Variants in STARD8 observed in about 807,000 individuals in gnomAD.
STARD8 encodes stAR-related lipid transfer protein 8.
A neutral mutation model predicts 69.4 loss-of-function variants in STARD8; 25 were observed. The ratio of observed to expected loss-of-function variants is 0.36; its 90% CI spans 0.26 to 0.50. The LOEUF (loss-of-function observed/expected upper bound fraction) is 0.50. STARD8 is among the 20% of genes least tolerant of loss of function. STARD8 has a pLI of 0.96. For synonymous variants in STARD8, 389 were observed against 374.6 expected, an observed-to-expected ratio of 1.04 and a Z score of -0.45; for missense variants, 921 against 932.5, an observed-to-expected ratio of 0.99 and a Z score of 0.16.
intron 2 of STARD8, among the ~76,000 whole-genome samples, chrX:68,688,378 G>A (rs1431991308): frequency 1.8e-5 from 2 of 111,020 alleles, no homozygotes; most frequent in African/African-American, 6.6e-5. Context: ...TCACAGGGCT[G>A]GGCTGGGCCA....
At position 68,720,413 on chromosome X, in the gene STARD8, G is replaced by T; in HGVS notation, c.2039G>T (p.Cys680Phe). 8.5e-7 allele frequency: 1 copy of T among 1,175,833 alleles called. No homozygotes were observed. The highest frequency in any genetic ancestry group is 2.3e-5 in the Admixed American group (1 of 43,155). ...QQAMRYLRSQ[C>F]LDQVGIFRKS... Reference sequence around the variant, plus strand: ...GCCATGCGCTACTTGCGCAGCCAGTGCCTGGACCAAGTGAGCCCTCGTGGG... The same window carrying T: ...GCCATGCGCTACTTGCGCAGCCAGTTCCTGGACCAAGTGAGCCCTCGTGGG... Residue 680 changes from cysteine (C) to phenylalanine (F), a missense_variant, in exon 8 of 15, where the codon TGC (cysteine) becomes TTC (phenylalanine). Physicochemically the swap from Cys to Phe is radical, Grantham distance 205. Coordinates refer to ENST00000374599, the MANE Select transcript of STARD8 (RefSeq NM_001142503.3).
In STARD8 at chrX:68,647,697, T is replaced by G; in HGVS notation, c.-186T>G. The G allele has an allele frequency of 2.0e-6, 1 of 500,305 alleles. No homozygotes were observed. The highest frequency in any genetic ancestry group is 3.2e-6 in the Non-Finnish European group (1 of 315,932). The allele number at this position is 500,305 out of a possible 1,213,427, so 41.2% of individuals were successfully genotyped here. A position where few individuals can be genotyped will look rare whatever the true frequency, so the allele number is the denominator to read the frequency against. ...CTTCCAGGAGGCGGGAGGCGCCCGC[T>G]GTCGAGGCAGCTGAGCCCCGGCAAC... On this transcript the variant is annotated 5_prime_UTR_variant, in exon 1 of 15. Transcript: ENST00000374599.
chrX:68,651,740 T>C (rs1428628676), intron 1 of STARD8, among the ~76,000 whole-genome samples: 1 of 110,836 alleles, frequency 9.0e-6, no homozygotes, highest in Non-Finnish European at 1.9e-5. Flanking sequence ...CAGGCACACA[T>C]ACTAGCTGTG....
At chrX:68,715,494 A>C in intron 4 of STARD8, 119 bp downstream of exon 4, 10 of 586,299 alleles carry the variant, frequency 1.7e-5, no homozygotes, top group South Asian at 6.6e-5. Context: ...AACAAAGCTC[A>C]TCTTCTGTGG....
At chrX:68,677,831 C>A (rs922919761) in intron 2 of STARD8, among the ~76,000 whole-genome samples, 2 of 98,724 alleles carry the variant, frequency 2.0e-5, no homozygotes. Flanking sequence ...GTTCCCCATG[C>A]CCCCCACCCA....
intron 1 of STARD8, among the ~76,000 whole-genome samples, chrX:68,658,183 T>C (rs945337479): frequency 8.9e-6 from 1 of 112,273 alleles, no homozygotes; most frequent in African/African-American, 3.2e-5. Flanking sequence ...GCACATACTA[T>C]GTGGTGTACA....
chrX:68,707,535 A>C (rs1161522675), intron 2 of STARD8, among the ~76,000 whole-genome samples: 1 of 111,500 alleles, frequency 9.0e-6, no homozygotes, highest in Non-Finnish European at 1.9e-5. Context: ...AAACAAACAA[A>C]AATGAACCCT....
At chrX:68,693,791 A>G in intron 2 of STARD8, 5 of 754,661 alleles carry the variant, frequency 6.6e-6, no homozygotes, top group Non-Finnish European at 7.8e-6. Context: ...GCTCTGTGTC[A>G]GCGCCCGAAC....
intron 2 of STARD8, among the ~76,000 whole-genome samples, chrX:68,679,399 A>G (rs914791832): frequency 1.8e-5 from 2 of 111,602 alleles, no homozygotes; most frequent in Admixed American, 1.9e-4. Flanking sequence ...AGTCCATCTA[A>G]ACTTTTTATG....
intron 2 of STARD8, among the ~76,000 whole-genome samples, chrX:68,707,082 A>G (rs1428922424): frequency 8.9e-6 from 1 of 112,580 alleles, no homozygotes; most frequent in Non-Finnish European, 1.9e-5. Flanking sequence ...CGCTCAGGAC[A>G]CTGGCTTTTC....
intron 1 of STARD8, among the ~76,000 whole-genome samples, chrX:68,663,848 C>T (rs181706047): frequency 5.9e-4 from 66 of 111,858 alleles, no homozygotes; most frequent in African/African-American, 2.0e-3. Flanking sequence ...CCTCTGGTCA[C>T]GCCGATCTCA....
intron 1 of STARD8, among the ~76,000 whole-genome samples, chrX:68,649,624 T>C (rs2079534992): frequency 9.0e-6 from 1 of 111,523 alleles, no homozygotes. Context: ...CTACAAAATA[T>C]GAGTGAGAAA....
chrX:68,648,002 G>C, intron 1 of STARD8, 75 bp downstream of exon 1: 1 of 1,131,417 alleles, frequency 8.8e-7, no homozygotes. Flanking sequence ...CTGCGCACCA[G>C]CTGGGAAAAC....
intron 2 of STARD8, among the ~76,000 whole-genome samples, chrX:68,710,371 G>A (rs1477304081): frequency 8.9e-6 from 1 of 112,406 alleles, no homozygotes; most frequent in African/African-American, 3.2e-5. Context: ...TGAGCAATGT[G>A]ATTTAGACCA....
At position 68,720,439 on chromosome X, in the gene STARD8, G is replaced by A. The variant is rs1238152407; in HGVS notation, c.2049+16G>A. On this transcript the variant is annotated intron_variant, in intron 8 of 14. Transcript: ENST00000374599. The stretch of plus-strand genomic sequence containing the variant: ...CCTGGACCAAGTGAGCCCTCGTGGG[G>A]CAGCCTGCCGGGAGATGGTGCAGGG... 2 of 1,155,073 alleles carry A rather than the reference G, an allele frequency of 1.7e-6. No homozygotes were observed. Among genetic ancestry groups the A allele is most frequent in the Non-Finnish European group, 2.3e-6 (2 of 863,595 alleles).
chrX:68,689,997 G>T (rs59829891), intron 2 of STARD8, among the ~76,000 whole-genome samples: 2 of 107,622 alleles, frequency 1.9e-5, no homozygotes, highest in African/African-American at 6.9e-5. Flanking sequence ...AGGAAGTTTT[G>T]TTTTGTTTTG....
intron 1 of STARD8, among the ~76,000 whole-genome samples, chrX:68,664,643 C>T (rs189205557): frequency 1.8e-5 from 2 of 112,055 alleles, no homozygotes; most frequent in East Asian, 2.8e-4. Flanking sequence ...TCTATCCCCC[C>T]ACTCAATCAC....
At chrX:68,665,063 AT>A (rs775431825) in intron 1 of STARD8, among the ~76,000 whole-genome samples, 83 of 112,361 alleles carry the variant, frequency 7.4e-4, no homozygotes, top group Admixed American at 1.8e-3. Flanking sequence ...GGGTTCTCCA[AT>A]TCTGAATACT....
At chrX:68,666,649 A>T (rs2079685422) in intron 2 of STARD8, among the ~76,000 whole-genome samples, 2 of 111,934 alleles carry the variant, frequency 1.8e-5, no homozygotes, top group African/African-American at 3.3e-5. Flanking sequence ...CTGATAGGTG[A>T]GGGGTTTATT....
Sources: gnomAD v4.1 joint callset for allele counts (sites outside exome capture counted in the v4.1 genomes callset) on GRCh38, gnomAD v4.1.1 for gene constraint, MANE v1.5 for transcripts, NCBI Gene and HGNC (gene_info 2026-07-23, HGNC 2026-07-21) for gene names.